The following SCRN3 variants were observed in gnomAD, a reference collection of about 807,000 sequenced individuals.
The protein encoded by SCRN3 is secernin-3.
In SCRN3, 39 loss-of-function variants were observed where a neutral mutation model predicts 43.1. That is an observed-to-expected ratio of 0.91 (90% CI 0.70 to 1.18). The LOEUF is 1.18. Ranked by LOEUF, SCRN3 falls within the 50% of genes most tolerant of loss-of-function variation. The probability of loss-of-function intolerance (pLI) is 0.00; values close to 1 mark genes in which losing one functional copy is unlikely to be tolerated. For synonymous variants in SCRN3, 147 were observed against 163.1 expected (o/e 0.90, Z 0.75); for missense variants, 484 against 498.0 (o/e 0.97, Z 0.27).
intron 5 of SCRN3, among the ~76,000 whole-genome samples, chr2:174,408,646 C>G (rs2105585146): frequency 7.1e-6 from 1 of 140,198 alleles, no homozygotes; most frequent in South Asian, 2.3e-4. Context: ...TCTTTTAGGG[C>G]AGGCCTGGTG....
Position 174,423,066 on chromosome 2 carries a change from A to G in SCRN3, c.917+19A>G, listed in dbSNP as rs200861361. On this transcript the variant is annotated intron_variant, in intron 6 of 7. Transcript: ENST00000272732. The stretch of plus-strand genomic sequence containing the variant: ...CTGAGAGGTGAAGCCACAAAATACT[A>G]TAAACCAGCAAGGGGTCAGGGGATG... 7 of 1,602,920 alleles carry G rather than the reference A, an allele frequency of 4.4e-6. No individual in the cohort carries two copies. The highest frequency in any genetic ancestry group is 1.7e-4 in the Middle Eastern group (1 of 6,020).
chr2:174,420,585 T>C (rs1686262175), intron 5 of SCRN3, among the ~76,000 whole-genome samples: 1 of 152,046 alleles, frequency 6.6e-6, no homozygotes, highest in Admixed American at 6.6e-5. Context: ...TTCAAAATAA[T>C]TAGAAGAAAA....
At chr2:174,424,126 A>C (rs1259458626) in intron 6 of SCRN3, among the ~76,000 whole-genome samples, 1 of 151,926 alleles carries the variant, frequency 6.6e-6, no homozygotes, top group African/African-American at 2.4e-5. Flanking sequence ...GCTGATGTTC[A>C]CCCCAAGTCC....
At position 174,428,897 on chromosome 2, in the gene SCRN3, G is replaced by C. The variant is rs1686575333; in HGVS notation, c.*1002G>C. 6.6e-6 allele frequency: 1 copy of C among 152,036 alleles called. No homozygotes were observed. Among genetic ancestry groups the C allele is most frequent in the Admixed American group, 6.6e-5 (1 of 15,262 alleles). The allele number at this position is 152,036 out of a possible 1,614,324, so 9.4% of individuals were successfully genotyped here. A position where few individuals can be genotyped will look rare whatever the true frequency, so the allele number is the denominator to read the frequency against. ...AAAATCCAACTGAAAATAACACTAA[G>C]TATTTTTGAGTTCCTAGAATGTCCA... On this transcript the variant is annotated 3_prime_UTR_variant, in exon 8 of 8. Coordinates refer to ENST00000272732, the MANE Select transcript of SCRN3 (RefSeq NM_024583.5).
At chr2:174,395,842 G>A (rs1169343648) in intron 1 of SCRN3, 25 bp downstream of exon 1, 3 of 1,487,982 alleles carry the variant, frequency 2.0e-6, no homozygotes, top group Non-Finnish European at 8.9e-7. Context: ...CGGGGGAGGG[G>A]CGTGCATAGT....
At chr2:174,426,989 C>T (rs561937824) in intron 7 of SCRN3, among the ~76,000 whole-genome samples, 30 of 151,944 alleles carry the variant, frequency 2.0e-4, no homozygotes, top group South Asian at 8.3e-4. Context: ...TGCGCCACCA[C>T]GCCCAGCTAA....
chr2:174,395,865 C>T (rs1190484319), intron 1 of SCRN3, 48 bp downstream of exon 1: 2 of 1,453,764 alleles, frequency 1.4e-6, no homozygotes, highest in African/African-American at 2.9e-5. Context: ...AGACAGAAAC[C>T]CGGAAGACCC....
At chr2:174,427,312 TG>T (rs1428845863) in intron 7 of SCRN3, among the ~76,000 whole-genome samples, 1 of 152,194 alleles carries the variant, frequency 6.6e-6, no homozygotes, top group Non-Finnish European at 1.5e-5. Context: ...TGAACATTAT[TG>T]TTCTATTGTA....
Position 174,401,037 on chromosome 2 carries a change from T to C in SCRN3, c.389T>C (p.Ile130Thr). ...ADTAEKALNVIVDLLEKYGQG... is the reference protein window; with the variant it reads ...ADTAEKALNVTVDLLEKYGQG... Reference sequence around the variant, plus strand: ...ACAGCTGAAAAAGCCCTCAATGTCATTGTTGACTTACTAGAAAAATATGGC... The same window carrying C: ...ACAGCTGAAAAAGCCCTCAATGTCACTGTTGACTTACTAGAAAAATATGGC... The change falls in exon 4 of 8, where the codon ATT becomes ACT. Residue 130 changes from isoleucine (I) to threonine (T), a missense_variant. Ile to Thr is a moderately conservative substitution (Grantham distance 89). Transcript: ENST00000272732. 1 of 1,613,764 alleles carries C rather than the reference T, an allele frequency of 6.2e-7. No individual in the cohort carries two copies. The highest frequency in any genetic ancestry group is 8.5e-7 in the Non-Finnish European group (1 of 1,179,838).
rs371445537 is a variant in SCRN3, at chr2:174,404,088, C to G, written c.542-15C>G. ...GACTTTTCTTCTCCTTTCTCCTCTT[C>G]TTCTTTGAAAATAGAGGGAGTTCGT... On this transcript the variant is annotated splice_polypyrimidine_tract_variant and intron_variant, in intron 4 of 7. Transcript: ENST00000272732. The G allele has an allele frequency of 6.3e-7, 1 of 1,595,698 alleles. No homozygotes were observed. Among genetic ancestry groups the G allele is most frequent in the African/African-American group, 1.3e-5 (1 of 74,438 alleles).
intron 5 of SCRN3, among the ~76,000 whole-genome samples, chr2:174,416,498 C>T (rs1449978339): frequency 1.3e-5 from 2 of 152,126 alleles, no homozygotes; most frequent in Non-Finnish European, 2.9e-5. Flanking sequence ...GAGATAATAA[C>T]CTAACCATCC....
chr2:174,402,087 C>T (rs768450163), intron 4 of SCRN3, among the ~76,000 whole-genome samples: 4 of 152,092 alleles, frequency 2.6e-5, no homozygotes, highest in Non-Finnish European at 5.9e-5. Flanking sequence ...GTTGTTTTGA[C>T]GGACATTTTG....
rs1032799827 is a variant in SCRN3 at position 174,428,521 on chromosome 2, T to C, written c.*626T>C. Reference sequence around the variant, plus strand: ...GCATTTTTAGGGTCATTCTCCTTAATAGGCTTTTATGTTAATAAGATATAT... The same window carrying C: ...GCATTTTTAGGGTCATTCTCCTTAACAGGCTTTTATGTTAATAAGATATAT... On this transcript the variant is annotated 3_prime_UTR_variant, in exon 8 of 8. Transcript: ENST00000272732. The C allele has an allele frequency of 6.6e-6, 1 of 152,464 alleles. No homozygotes were observed. The highest frequency in any genetic ancestry group is 1.5e-5 in the Non-Finnish European group (1 of 68,006). The allele number at this position is 152,464 out of a possible 1,614,324, so 9.4% of individuals were successfully genotyped here. A position where few individuals can be genotyped will look rare whatever the true frequency, so the allele number is the denominator to read the frequency against.
At chr2:174,399,884 T>C in intron 2 of SCRN3, 38 bp from the exon 3 acceptor site, 1 of 1,324,916 alleles carries the variant, frequency 7.5e-7, no homozygotes, top group South Asian at 2.3e-5. Context: ...TCTGGTTTTG[T>C]GGTTCTTGCT....
At chr2:174,413,574 T>G (rs889564037) in intron 5 of SCRN3, among the ~76,000 whole-genome samples, 1 of 148,578 alleles carries the variant, frequency 6.7e-6, no homozygotes, top group Non-Finnish European at 1.5e-5. Flanking sequence ...CTTTTCTTTT[T>G]TTTTGTCTTT....
intron 7 of SCRN3, among the ~76,000 whole-genome samples, chr2:174,427,219 T>G (rs1686517664): frequency 6.6e-6 from 1 of 152,232 alleles, no homozygotes. Flanking sequence ...CTTCTTTCTG[T>G]AAGAATCATA....
At chr2:174,396,129 A>T in intron 1 of SCRN3, 8 of 944,206 alleles carry the variant, frequency 8.5e-6, no homozygotes, top group Non-Finnish European at 9.5e-6. Context: ...ATCCAACAAT[A>T]TGATGTTTCT....
chr2:174,413,763 G>A (rs1262004279), intron 5 of SCRN3, among the ~76,000 whole-genome samples: 1 of 151,494 alleles, frequency 6.6e-6, no homozygotes, highest in Non-Finnish European at 1.5e-5. Context: ...GCTAATTTTT[G>A]TATTTTTAGT....
At position 174,401,004 on chromosome 2, in the gene SCRN3, G is replaced by A. The variant is rs1479251501; in HGVS notation, c.356G>A (p.Arg119Lys). Residue 119 changes from arginine (R) to lysine (K), a missense_variant, in exon 4 of 8, where the codon AGA becomes AAA. Physicochemically the swap from Arg to Lys is conservative, Grantham distance 26. Transcript: ENST00000272732. ...TTTTGTTTTAGACTTGGCCTTGAAA[G>A]AGCTGATACAGCTGAAAAAGCCCTC... ...GMDLVRLGLE[R>K]ADTAEKALNV... is the part of the protein sequence containing the mutation. 2 of 1,611,188 alleles carry A rather than the reference G, an allele frequency of 1.2e-6. No individual in the cohort carries two copies. The highest frequency in any genetic ancestry group is 2.7e-5 in the African/African-American group (2 of 74,840).
Sources: allele counts gnomAD v4.1 joint callset (sites outside exome capture counted in the v4.1 genomes callset), GRCh38; gene constraint gnomAD v4.1.1; transcripts MANE v1.5; gene names NCBI Gene and HGNC (gene_info 2026-07-23, HGNC 2026-07-21).